The following MASP1 variants were observed in gnomAD, a reference collection of about 807,000 sequenced individuals.
MASP1 encodes the protein mannan-binding lectin serine protease 1.
In MASP1, 59 loss-of-function variants were observed where a neutral mutation model predicts 77.1. The ratio of observed to expected loss-of-function variants is 0.77; its 90% CI spans 0.62 to 0.95. MASP1 has a LOEUF of 0.95. Among genes scored for constraint, MASP1 ranks in the 40% least tolerant of loss-of-function variants. The pLI, the probability that MASP1 is intolerant of heterozygous loss-of-function variation, is 0.00. For synonymous variants in MASP1, 362 were observed against 354.5 expected (o/e 1.02, Z -0.24); for missense variants, 885 against 912.9 (o/e 0.97, Z 0.39).
At chr3:187,285,712 G>A (rs1717790437) in intron 2 of MASP1, 113 bp downstream of exon 2, 1 of 829,144 alleles carries the variant, frequency 1.2e-6, no homozygotes, top group East Asian at 2.6e-5. Context: ...ATACCATTGT[G>A]ATGTTGTGTG....
downstream of MASP1, among the ~76,000 whole-genome samples, chr3:187,230,364 G>A (rs850316): frequency 0.36 from 55,319 of 152,166 alleles, 11,159 homozygotes; most frequent in Non-Finnish European, 0.46. Flanking sequence ...GCTGAAAGTT[G>A]AGGGACAAAG....
At chr3:187,240,097 C>T (rs978094637) in intron 10 of MASP1, among the ~76,000 whole-genome samples, 10 of 148,764 alleles carry the variant, frequency 6.7e-5, no homozygotes, top group South Asian at 2.1e-4. Context: ...TTTCACCTTC[C>T]GCCATGATTG....
At chr3:187,266,446 G>T (rs1485613193) in intron 2 of MASP1, among the ~76,000 whole-genome samples, 1 of 152,216 alleles carries the variant, frequency 6.6e-6, no homozygotes, top group Non-Finnish European at 1.5e-5. Context: ...AAGATGGGCT[G>T]CCCTGGGGGT....
intron 4 of MASP1, among the ~76,000 whole-genome samples, chr3:187,257,457 G>A (rs1459398148): frequency 1.3e-5 from 2 of 151,842 alleles, no homozygotes; most frequent in South Asian, 2.1e-4. Context: ...TGCAACCTTC[G>A]CCTCCACCTC....
chr3:187,219,972 G>A (rs1261210804), exon 16 of MASP1: 2 of 1,253,186 alleles, frequency 1.6e-6, no homozygotes, highest in Admixed American at 1.9e-5. Context: ...AAGGAGGGGG[G>A]ATGGGAGGAA....
downstream of MASP1, among the ~76,000 whole-genome samples, chr3:187,231,327 C>T (rs1201640838): frequency 6.6e-6 from 1 of 152,216 alleles, no homozygotes; most frequent in Non-Finnish European, 1.5e-5. Context: ...GACTTTTCAT[C>T]CTAAAAATCA....
chr3:187,272,064 CTG>C lies in MASP1; in HGVS notation c.238-9346_238-9345del, dbSNP rs142159494. 5.7e-4 allele frequency among the ~76,000 whole-genome samples: 86 copies of C among 149,790 alleles called. 2 individuals are homozygous for C. In the East Asian group the frequency reaches 0.011, roughly 19 times the overall value. ...TCATGTCAGGGGACAGTTTTTGTGA[CTG>C]TGAAGTCCAAGGAGTGAGTAGGTGG... On this transcript the variant is annotated intron_variant, in intron 2 of 10. Coordinates refer to ENST00000296280, the MANE Select transcript of MASP1 (RefSeq NM_139125.4).
chr3:187,276,611 C>T (rs1716987780), intron 2 of MASP1: 2 of 152,294 alleles, frequency 1.3e-5, no homozygotes, highest in South Asian at 4.1e-4. Flanking sequence ...TCTTCCTCAG[C>T]ACTGCGAGCT....
intron 2 of MASP1, among the ~76,000 whole-genome samples, chr3:187,266,452 G>C (rs1716025772): frequency 6.6e-6 from 1 of 152,148 alleles, no homozygotes; most frequent in South Asian, 2.1e-4. Context: ...GGCTGCCCTG[G>C]GGGTTTAAGG....
chr3:187,272,018 C>T (rs1230282405), intron 2 of MASP1, among the ~76,000 whole-genome samples: 1 of 152,142 alleles, frequency 6.6e-6, no homozygotes, highest in Non-Finnish European at 1.5e-5. Context: ...TCACAGATGG[C>T]AGCGTATGGC....
Position 187,235,130 on chromosome 3 carries a change from AC to A in MASP1, c.*553del. On this transcript the variant is annotated 3_prime_UTR_variant, in exon 11 of 11. Coordinates refer to ENST00000296280, the MANE Select transcript of MASP1 (RefSeq NM_139125.4). ...AGGCATGAAGGTGCTCCAAGGGATC[AC>A]ACTAAGAGAGAGGGGCTTGGCTATG... The A allele has an allele frequency of 7.8e-7, 1 of 1,287,474 alleles. No homozygotes were observed. Among genetic ancestry groups the A allele is most frequent in the Non-Finnish European group, 1.0e-6 (1 of 988,822 alleles). The allele number at this position is 1,287,474 out of a possible 1,614,324, so 79.8% of individuals were successfully genotyped here.
chr3:187,276,385 T>C (rs1280234926), intron 2 of MASP1, among the ~76,000 whole-genome samples: 1 of 152,228 alleles, frequency 6.6e-6, no homozygotes, highest in Non-Finnish European at 1.5e-5. Flanking sequence ...TACCCTAAGC[T>C]CTAATAAATT....
chr3:187,222,441 A>C (rs2108499106), intron 14 of MASP1, among the ~76,000 whole-genome samples: 1 of 152,294 alleles, frequency 6.6e-6, no homozygotes, highest in South Asian at 2.1e-4. Context: ...GCAAATCCCA[A>C]ATTTTAAAAT....
rs888334074 is a variant in MASP1 at position 187,247,416 on chromosome 3, C to A, written c.1090+2835G>T. On this transcript the variant is annotated intron_variant, in intron 8 of 10. Coordinates refer to ENST00000296280, the MANE Select transcript of MASP1 (RefSeq NM_139125.4). ...ACCATGGTGAAGATCAAAGAGGGATCAAGAGATACAGAGGAAGGAAGCAGA... is the reference window on the plus strand; with the variant it reads ...ACCATGGTGAAGATCAAAGAGGGATAAAGAGATACAGAGGAAGGAAGCAGA... 5.6e-6 allele frequency: 9 copies of A among 1,613,402 alleles called. No homozygotes were observed. The East Asian group carries it at 2.0e-4, about 36-fold the overall frequency.
intron 8 of MASP1, among the ~76,000 whole-genome samples, chr3:187,245,343 T>G (rs1447657239): frequency 6.6e-6 from 1 of 152,124 alleles, no homozygotes; most frequent in Non-Finnish European, 1.5e-5. Flanking sequence ...GACCGCCCAG[T>G]TCAGGAATTC....
chr3:187,271,799 G>A (rs1198890116), intron 2 of MASP1, among the ~76,000 whole-genome samples: 1 of 152,126 alleles, frequency 6.6e-6, no homozygotes, highest in Non-Finnish European at 1.5e-5. Flanking sequence ...TGGAAGTGCA[G>A]GGTCATTCAT....
At chr3:187,282,537 G>C (rs1441851792) in intron 2 of MASP1, among the ~76,000 whole-genome samples, 1 of 144,674 alleles carries the variant, frequency 6.9e-6, no homozygotes, top group African/African-American at 2.5e-5. Context: ...CGTGTACTGG[G>C]GAGAATATAT....
In MASP1 at chr3:187,234,366, C is replaced by T. The variant is rs1371964052; in HGVS notation, c.*1318G>A. On this transcript the variant is annotated 3_prime_UTR_variant, in exon 11 of 11. Coordinates refer to ENST00000296280, the MANE Select transcript of MASP1 (RefSeq NM_139125.4). ...GGAGAACAATCAGCCCTGTGAGGGC[C>T]AGAGAGGCTGCTAGCAGTCAGGGAA... is the stretch of plus-strand genomic sequence containing the variant. 4 of 1,287,128 alleles carry T rather than the reference C, an allele frequency of 3.1e-6. No homozygotes were observed. In the South Asian group the frequency reaches 4.9e-5, roughly 16 times the overall value. The allele number at this position is 1,287,128 out of a possible 1,614,324, so 79.7% of individuals were successfully genotyped here. A position where few individuals can be genotyped will look rare whatever the true frequency, so the allele number is the denominator to read the frequency against.
Position 187,241,052 on chromosome 3 carries a change from C to T in MASP1, c.1303+429G>A, listed in dbSNP as rs566405046. On this transcript the variant is annotated intron_variant, in intron 10 of 10. Coordinates refer to ENST00000296280, the MANE Select transcript of MASP1 (RefSeq NM_139125.4). ...GAGTCAGTAAGTAAACCATGGGAAT[C>T]GGAAAGGCTTGACTACGTTGCTGTT... Among the ~76,000 whole-genome samples, 17 of 152,272 alleles carry T rather than the reference C, an allele frequency of 1.1e-4. No homozygotes were observed. In the South Asian group the frequency reaches 2.7e-3, roughly 24 times the overall value.
Sources: gnomAD v4.1 joint callset for allele counts (sites outside exome capture counted in the v4.1 genomes callset) on GRCh38, gnomAD v4.1.1 for gene constraint, MANE v1.5 for transcripts, NCBI Gene and HGNC (gene_info 2026-07-23, HGNC 2026-07-21) for gene names.